The following PDE3B variants were observed in gnomAD, a reference collection of about 807,000 sequenced individuals.
PDE3B encodes the protein cGMP-inhibited 3',5'-cyclic phosphodiesterase 3B.
In PDE3B, 66 loss-of-function variants were observed where a neutral mutation model predicts 116.8. The ratio of observed to expected loss-of-function variants is 0.56; its 90% confidence interval spans 0.46 to 0.69. The LOEUF is 0.69. Ranked by LOEUF, PDE3B falls within the 30% of genes least tolerant of loss-of-function variation. The probability of loss-of-function intolerance (pLI) is 0.00; values close to 1 mark genes in which losing one functional copy is unlikely to be tolerated. For missense variants in PDE3B, 1,384 were observed against 1,368.1 expected (o/e 1.01, Z -0.18); for synonymous variants, 595 against 533.6 (o/e 1.12, Z -1.59).
chr11:14,739,902 C>A (rs188742042), intron 1 of PDE3B, among the ~76,000 whole-genome samples: 1 of 152,248 alleles, frequency 6.6e-6, no homozygotes, highest in African/African-American at 2.4e-5. Flanking sequence ...TGATGGATTA[C>A]ATTTATTGAT....
chr11:14,850,160 A>C (rs1339756575), intron 12 of PDE3B, among the ~76,000 whole-genome samples: 1 of 151,978 alleles, frequency 6.6e-6, no homozygotes, highest in Non-Finnish European at 1.5e-5. Context: ...ATGCAGCCAT[A>C]AAAAAGGATG....
chr11:14,703,534 G>C (rs960803519), intron 1 of PDE3B, among the ~76,000 whole-genome samples: 2 of 151,182 alleles, frequency 1.3e-5, no homozygotes, highest in African/African-American at 4.9e-5. Flanking sequence ...GCTGTGTTTA[G>C]GTGGCTACTA....
the PDE3B span, chr11:14,878,300 A>C: frequency 2.5e-6 from 4 of 1,612,622 alleles, no homozygotes; most frequent in East Asian, 4.5e-5. Context: ...TCTTCTTCCT[A>C]AACAGAAAAA....
At chr11:14,675,989 CA>C (rs1854521389) in intron 1 of PDE3B, among the ~76,000 whole-genome samples, 2 of 152,116 alleles carry the variant, frequency 1.3e-5, no homozygotes, top group African/African-American at 4.8e-5. Flanking sequence ...GTACCATTTA[CA>C]CTCCTACCAG....
intron 1 of PDE3B, among the ~76,000 whole-genome samples, chr11:14,722,118 A>T (rs547926176): frequency 6.7e-6 from 1 of 148,376 alleles, no homozygotes; most frequent in African/African-American, 2.5e-5. Context: ...ATGAGAACAC[A>T]TGGACACAGG....
At chr11:14,856,293 T>A (rs1384881276) in intron 12 of PDE3B, among the ~76,000 whole-genome samples, 1 of 152,212 alleles carries the variant, frequency 6.6e-6, no homozygotes, top group African/African-American at 2.4e-5. Context: ...CAATTAAACC[T>A]CTTTTGTTTA....
At chr11:14,892,138 A>T in the PDE3B span, 1 of 1,611,452 alleles carries the variant, frequency 6.2e-7, no homozygotes. Context: ...CCCTAGCGCG[A>T]AGAGCAGCAG....
chr11:14,896,212 TTC>T, the PDE3B span, among the ~76,000 whole-genome samples: 1 of 152,188 alleles, frequency 6.6e-6, no homozygotes, highest in East Asian at 1.9e-4. Context: ...GCATGAACAC[TTC>T]ATGATCTTGT....
intron 12 of PDE3B, among the ~76,000 whole-genome samples, chr11:14,857,579 A>T (rs1044917182): frequency 2.0e-5 from 3 of 151,920 alleles, no homozygotes; most frequent in East Asian, 3.9e-4. Context: ...TCTCATTTTC[A>T]CCATGTCTTT....
At chr11:14,817,200 C>T (rs1302914867) in intron 5 of PDE3B, among the ~76,000 whole-genome samples, 1 of 151,928 alleles carries the variant, frequency 6.6e-6, no homozygotes, top group Non-Finnish European at 1.5e-5. Flanking sequence ...GAAAACCAAA[C>T]ACCATATGTC....
In PDE3B at chr11:14,861,352, G is replaced by T; in HGVS notation, c.2872G>T (p.Glu958Ter). The T allele has an allele frequency of 6.2e-7, 1 of 1,613,310 alleles. No individual in the cohort carries two copies. Among genetic ancestry groups the T allele is most frequent in the South Asian group, 1.1e-5 (1 of 91,016 alleles). Reference protein sequence around the residue: ...HLKWTEGIVNEFYEQGDEEAN... With the variant: ...HLKWTEGIVN ...GAAATGGACAGAAGGCATTGTCAATGAATTTTATGAGCAGGTAAGTTGAAA... is the reference window on the plus strand; with the variant it reads ...GAAATGGACAGAAGGCATTGTCAATTAATTTTATGAGCAGGTAAGTTGAAA... Residue 958 changes from glutamate to a stop codon, truncating the protein, a stop_gained, in exon 14 of 16, where the codon GAA becomes TAA. Coordinates refer to ENST00000282096, the MANE Select transcript of PDE3B (RefSeq NM_000922.4). LOFTEE classifies it high-confidence loss of function.
At chr11:14,895,857 A>T in the PDE3B span, among the ~76,000 whole-genome samples, 518 of 152,338 alleles carry the variant, frequency 3.4e-3, 4 homozygotes, top group Non-Finnish European at 6.0e-3. Flanking sequence ...AATGAATTTA[A>T]TCCCACATTT....
chr11:14,896,201 T>C, the PDE3B span, among the ~76,000 whole-genome samples: 10 of 152,158 alleles, frequency 6.6e-5, no homozygotes, highest in African/African-American at 1.9e-4. Context: ...AAAATAGAAA[T>C]GCATGAACAC....
At chr11:14,891,927 C>A in the PDE3B span, 4 of 1,583,608 alleles carry the variant, frequency 2.5e-6, no homozygotes, top group South Asian at 4.6e-5. Flanking sequence ...AAGGCCCTGG[C>A]CAGCCCGGGC....
chr11:14,866,347 C>T (rs904950092), intron 14 of PDE3B, among the ~76,000 whole-genome samples: 1 of 152,138 alleles, frequency 6.6e-6, no homozygotes, highest in Admixed American at 6.6e-5. Flanking sequence ...CTTTCTCATT[C>T]TGGTTATGCT....
chr11:14,668,119 A>AG (rs1456190730), intron 1 of PDE3B, among the ~76,000 whole-genome samples: 1 of 152,052 alleles, frequency 6.6e-6, no homozygotes, highest in Non-Finnish European at 1.5e-5. Context: ...TCCAGGTAAG[A>AG]GGACACGTAT....
At chr11:14,875,207 C>A (rs1565174379), downstream of PDE3B, among the ~76,000 whole-genome samples, 2 of 152,076 alleles carry the variant, frequency 1.3e-5, no homozygotes, top group Non-Finnish European at 1.5e-5. Flanking sequence ...TCCTTATGTA[C>A]CGATTTTCTC....
intron 12 of PDE3B, among the ~76,000 whole-genome samples, chr11:14,857,429 G>A (rs1242472197): frequency 1.3e-5 from 2 of 152,246 alleles, no homozygotes; most frequent in South Asian, 4.2e-4. Flanking sequence ...CCTACTTACT[G>A]CTTCATGATT....
chr11:14,804,179 G>T, intron 5 of PDE3B, 129 bp downstream of exon 5: 1 of 600,702 alleles, frequency 1.7e-6, no homozygotes. Context: ...ACATGACTTA[G>T]CAGTTTGGGT....
Sources: allele counts gnomAD v4.1 joint callset (sites outside exome capture counted in the v4.1 genomes callset), GRCh38; gene constraint gnomAD v4.1.1; transcripts MANE v1.5; gene names NCBI Gene and HGNC (gene_info 2026-07-23, HGNC 2026-07-21).